Variants in ACVR1C observed in about 807,000 individuals in gnomAD.
The protein encoded by ACVR1C is activin A receptor type 1C, also known as activin receptor type-1C.
A neutral mutation model predicts 57.9 loss-of-function variants in ACVR1C; 23 were observed. The ratio of observed to expected loss-of-function variants is 0.40; its 90% confidence interval spans 0.29 to 0.56. The LOEUF (loss-of-function observed/expected upper bound fraction) is 0.56, where lower values mean the gene tolerates loss of function less well. Among genes scored for constraint, ACVR1C ranks in the 20% least tolerant of loss-of-function variants. ACVR1C has a pLI of 0.50. For missense variants in ACVR1C, 480 were observed against 607.9 expected, an observed-to-expected ratio of 0.79 and a Z score of 2.21; for synonymous variants, 214 against 215.3, an observed-to-expected ratio of 0.99 and a Z score of 0.05.
At chr2:157,553,109 C>T (rs1223853500) in intron 3 of ACVR1C, among the ~76,000 whole-genome samples, 1 of 152,156 alleles carries the variant, frequency 6.6e-6, no homozygotes, top group Non-Finnish European at 1.5e-5. Flanking sequence ...GTTTTTGTTC[C>T]TCAGCATCTG....
chr2:157,533,907 A>T lies in ACVR1C; in HGVS notation c.*11T>A, dbSNP rs1219971855. 6.5e-7 allele frequency: 1 copy of T among 1,544,508 alleles called. No homozygotes were observed. The highest frequency in any genetic ancestry group is 1.2e-5 in the South Asian group (1 of 80,292). ...GCTATGAGAGATTTCTTTTTAACAT[A>T]ATTATCATCATTAGGCTTTGCAGTC... On this transcript the variant is annotated 3_prime_UTR_variant, in exon 9 of 9. Coordinates refer to ENST00000243349, the MANE Select transcript of ACVR1C (RefSeq NM_145259.3).
Position 157,576,835 on chromosome 2 carries a change from CTTTTTTTTTTTTTTTTTTTT to C in ACVR1C, c.304+10332_304+10351del, listed in dbSNP as rs1166673398. Among the ~76,000 whole-genome samples the C allele has an allele frequency of 5.0e-4, 21 of 41,716 alleles. 8 individuals are homozygous for C. The highest frequency in any genetic ancestry group is 9.4e-4 in the Non-Finnish European group (21 of 22,344). The allele number at this position is 41,716 out of a possible 152,430, so 27.4% of individuals were successfully genotyped here. On this transcript the variant is annotated intron_variant, in intron 2 of 8. Coordinates refer to ENST00000243349, the MANE Select transcript of ACVR1C (RefSeq NM_145259.3). Reference sequence around the variant, plus strand: ...AGAGCCTTTTGGGCTTTGAAATTTTCTTTTTTTTTTTTTTTTTTTTTTTTTTTTTTGAGACGGAGTCTCGC... The same window carrying C: ...AGAGCCTTTTGGGCTTTGAAATTTTCTTTTTTTTTTGAGACGGAGTCTCGC...
At chr2:157,551,295 T>C (rs1687918515) in intron 3 of ACVR1C, among the ~76,000 whole-genome samples, 1 of 152,142 alleles carries the variant, frequency 6.6e-6, no homozygotes, top group Admixed American at 6.5e-5. Flanking sequence ...GCAGAGATGA[T>C]ATGAGAATTA....
intron 2 of ACVR1C, among the ~76,000 whole-genome samples, chr2:157,564,587 C>T (rs1265844451): frequency 6.6e-6 from 1 of 152,184 alleles, no homozygotes; most frequent in Non-Finnish European, 1.5e-5. Flanking sequence ...CCATTTGACC[C>T]AGGCATCCCA....
chr2:157,546,166 C>T (rs1687750570), intron 4 of ACVR1C, among the ~76,000 whole-genome samples: 1 of 152,164 alleles, frequency 6.6e-6, no homozygotes, highest in Non-Finnish European at 1.5e-5. Context: ...ACTGCTTTGA[C>T]AGCACTGCTG....
intron 1 of ACVR1C, among the ~76,000 whole-genome samples, chr2:157,592,457 C>G (rs930680495): frequency 2.3e-4 from 35 of 152,038 alleles, no homozygotes; most frequent in Non-Finnish European, 4.9e-4. Flanking sequence ...TTAAATCTTG[C>G]ACGATGAAAA....
intron 4 of ACVR1C, among the ~76,000 whole-genome samples, chr2:157,548,504 C>T (rs991421176): frequency 6.6e-6 from 1 of 151,760 alleles, no homozygotes; most frequent in Admixed American, 6.6e-5. Context: ...AAGCTGGAGG[C>T]ATCACACTAC....
chr2:157,628,677 C>T lies in ACVR1C; in HGVS notation c.-33G>A. On this transcript the variant is annotated 5_prime_UTR_variant, in exon 1 of 9. Coordinates refer to ENST00000243349, the MANE Select transcript of ACVR1C (RefSeq NM_145259.3). ...AGGCGGCCGCGCCGGGGCTGCGAGG[C>T]CCCAGAGCAGAGCGAGGCAGCCGGG... 2 of 1,526,150 alleles carry T rather than the reference C, an allele frequency of 1.3e-6. No individual in the cohort carries two copies. Among genetic ancestry groups the T allele is most frequent in the Non-Finnish European group, 8.8e-7 (1 of 1,139,404 alleles). 94.5% of individuals were successfully genotyped at this position (1,526,150 alleles called of 1,614,324 possible). A position where few individuals can be genotyped will look rare whatever the true frequency, so the allele number is the denominator to read the frequency against.
At chr2:157,554,272 G>GAAAGAAAGAGAAAGAAAGAAAGAAAGA (rs1491411690) in intron 3 of ACVR1C, among the ~76,000 whole-genome samples, 1 of 47,586 alleles carries the variant, frequency 2.1e-5, no homozygotes, top group African/African-American at 1.1e-4. Flanking sequence ...AGAAAGAAAG[G>GAAAGAAAGAGAAAGAAAGAAAGAAAGA]AAGGAAGGAA....
chr2:157,578,603 G>A (rs1218945159), intron 2 of ACVR1C, among the ~76,000 whole-genome samples: 1 of 152,086 alleles, frequency 6.6e-6, no homozygotes, highest in Non-Finnish European at 1.5e-5. Context: ...ACCTCCTTCA[G>A]AATTTCCTTT....
chr2:157,537,670 A>C (rs187166734), intron 8 of ACVR1C, among the ~76,000 whole-genome samples: 5 of 152,032 alleles, frequency 3.3e-5, no homozygotes, highest in African/African-American at 9.6e-5. Flanking sequence ...AAAAGATCTC[A>C]TTCATTACAT....
At chr2:157,540,154 T>A (rs1462361799) in intron 7 of ACVR1C, among the ~76,000 whole-genome samples, 4 of 152,166 alleles carry the variant, frequency 2.6e-5, no homozygotes, top group Non-Finnish European at 2.9e-5. Context: ...ATTTTACAGA[T>A]GAGAAAATTA....
chr2:157,585,772 C>G (rs1040454637), intron 2 of ACVR1C, among the ~76,000 whole-genome samples: 5 of 152,076 alleles, frequency 3.3e-5, no homozygotes, highest in Admixed American at 6.6e-5. Context: ...GATCCCAGAT[C>G]ACCACCAAAG....
chr2:157,544,304 CA>C, intron 5 of ACVR1C, 140 bp downstream of exon 5: 1 of 759,266 alleles, frequency 1.3e-6, no homozygotes, highest in Non-Finnish European at 1.9e-6. Flanking sequence ...CCTAGACTAC[CA>C]AAATGCTGGG....
At chr2:157,616,273 C>T (rs1270128465) in intron 1 of ACVR1C, among the ~76,000 whole-genome samples, 3 of 152,056 alleles carry the variant, frequency 2.0e-5, no homozygotes, top group East Asian at 1.9e-4. Context: ...AGTATAAGTA[C>T]ACTATTATAA....
chr2:157,578,661 A>G (rs552548468), intron 2 of ACVR1C, among the ~76,000 whole-genome samples: 1 of 152,276 alleles, frequency 6.6e-6, no homozygotes, highest in African/African-American at 2.4e-5. Context: ...GTTACTTTAC[A>G]AGGGCCTCTT....
At chr2:157,572,783 T>C (rs556645400) in intron 2 of ACVR1C, among the ~76,000 whole-genome samples, 1 of 152,278 alleles carries the variant, frequency 6.6e-6, no homozygotes, top group African/African-American at 2.4e-5. Flanking sequence ...CAGAGCACTT[T>C]CCAAACAATA....
intron 1 of ACVR1C, among the ~76,000 whole-genome samples, chr2:157,603,990 G>T (rs761374419): frequency 3.5e-4 from 53 of 152,034 alleles, no homozygotes; most frequent in Admixed American, 1.6e-3. Context: ...CTTCCCAGAG[G>T]TACCCACGTT....
chr2:157,597,693 C>T (rs991756863), intron 1 of ACVR1C: 3 of 400,950 alleles, frequency 7.5e-6, no homozygotes, highest in African/African-American at 4.3e-5. Context: ...TTTTTAAAAC[C>T]TGTGTGTCTT....
Sources: gnomAD v4.1 joint callset for allele counts (sites outside exome capture counted in the v4.1 genomes callset) on GRCh38, gnomAD v4.1.1 for gene constraint, MANE v1.5 for transcripts, NCBI Gene and HGNC (gene_info 2026-07-23, HGNC 2026-07-21) for gene names.